Variants in IQSEC1 observed in about 807,000 individuals in gnomAD.
IQSEC1 encodes the protein IQ motif and SEC7 domain-containing protein 1.
Under a neutral mutation model 91.0 loss-of-function variants are expected in IQSEC1, and 31 were observed. The observed-to-expected ratio is 0.34, with a 90% CI of 0.26 to 0.46. The LOEUF (loss-of-function observed/expected upper bound fraction) is 0.46, where lower values mean the gene tolerates loss of function less well. Among genes scored for constraint, IQSEC1 ranks in the 20% least tolerant of loss-of-function variants. The pLI is 1.00. For synonymous variants in IQSEC1, 699 were observed against 662.6 expected, an observed-to-expected ratio of 1.05 and a Z score of -0.84; for missense variants, 1,388 against 1,575.6, an observed-to-expected ratio of 0.88 and a Z score of 2.02.
At chr3:12,996,102 T>A (rs1198263566) in intron 1 of IQSEC1, among the ~76,000 whole-genome samples, 1 of 152,014 alleles carries the variant, frequency 6.6e-6, no homozygotes, top group Non-Finnish European at 1.5e-5. Flanking sequence ...TCAAGGTTAT[T>A]GCGAGCTATC....
chr3:13,014,711 C>T (rs1703037476), intron 1 of IQSEC1, among the ~76,000 whole-genome samples: 2 of 152,130 alleles, frequency 1.3e-5, no homozygotes, highest in African/African-American at 2.4e-5. Flanking sequence ...CCCTGATGAC[C>T]CCAGTGAGCC....
chr3:13,016,994 TG>T (rs1221477034), intron 1 of IQSEC1, among the ~76,000 whole-genome samples: 2 of 152,244 alleles, frequency 1.3e-5, no homozygotes, highest in Non-Finnish European at 2.9e-5. Flanking sequence ...GTCTTCCGTC[TG>T]GCTTCTTTCA....
chr3:12,977,853 G>A (rs1203850950), intron 1 of IQSEC1, among the ~76,000 whole-genome samples: 1 of 152,222 alleles, frequency 6.6e-6, no homozygotes, highest in Non-Finnish European at 1.5e-5. Context: ...GTGGAAGGAA[G>A]ACCTGACCCA....
intron 2 of IQSEC1, among the ~76,000 whole-genome samples, chr3:13,160,460 C>T (rs1169407003): frequency 6.6e-6 from 1 of 152,200 alleles, no homozygotes; most frequent in African/African-American, 2.4e-5. Context: ...CAAGCCCTGC[C>T]CCTGTGTGTC....
chr3:13,149,428 TG>T (rs1207168291), intron 2 of IQSEC1, among the ~76,000 whole-genome samples: 2 of 28,054 alleles, frequency 7.1e-5, no homozygotes, highest in South Asian at 1.2e-3. Flanking sequence ...GGGGCCGGGG[TG>T]GGGGGGCGGA....
Position 12,898,609 on chromosome 3 carries a change from G to C in IQSEC1, c.*2374C>G, listed in dbSNP as rs1477940908. 1 of 152,220 alleles carries C rather than the reference G, an allele frequency of 6.6e-6. No homozygotes were observed. The highest frequency in any genetic ancestry group is 1.5e-5 in the Non-Finnish European group (1 of 68,048). 9.4% of individuals were successfully genotyped at this position (152,220 alleles called of 1,614,324 possible). ...TCATTACTGCTACCCTTCAGAAAGA[G>C]CAATTCTGTGCCAAACGGCCTGAAT... On this transcript the variant is annotated 3_prime_UTR_variant, in exon 14 of 14. Coordinates refer to ENST00000613206, the MANE Select transcript of IQSEC1 (RefSeq NM_001134382.3).
At chr3:13,031,303 G>C (rs1703832473) in intron 1 of IQSEC1, among the ~76,000 whole-genome samples, 1 of 152,250 alleles carries the variant, frequency 6.6e-6, no homozygotes, top group Non-Finnish European at 1.5e-5. Flanking sequence ...CCTGGGGGCA[G>C]GGACAGGTCC....
intron 1 of IQSEC1, among the ~76,000 whole-genome samples, chr3:13,215,306 C>T (rs1227415956): frequency 6.6e-6 from 1 of 151,014 alleles, no homozygotes; most frequent in Non-Finnish European, 1.5e-5. Context: ...CTGATGAAAT[C>T]GAGAGGACAC....
chr3:12,922,226 T>A lies in IQSEC1; in HGVS notation c.1747A>T (p.Met583Leu), dbSNP rs137863403. ...RDVLDCVVDE[M>L]DFSTMELDEA... ...TCCAGCTCCATGGTAGAGAAGTCCA[T>A]CTCGTCCACGACGCAGCTGGAATAG... Residue 583 changes from methionine to leucine, a missense_variant, in exon 5 of 14, where the codon ATG (methionine) becomes TTG (leucine). Met to Leu is a conservative substitution (Grantham distance 15, BLOSUM62 2). This residue lies in a region of IQSEC1 where 1,059 missense variants were observed against 1,317.8 expected (regional missense o/e 0.80). Coordinates refer to ENST00000613206, the MANE Select transcript of IQSEC1 (RefSeq NM_001134382.3). This position sits in a 1 kb window ranked among gnomAD's most constrained non-coding sequence, Gnocchi z 5.1. The A allele has an allele frequency of 2.4e-5, 39 of 1,596,480 alleles. No individual in the cohort carries two copies. Among genetic ancestry groups the A allele is most frequent in the Non-Finnish European group, 1.9e-5 (22 of 1,168,138 alleles).
intron 1 of IQSEC1, among the ~76,000 whole-genome samples, chr3:12,943,940 C>G (rs1186132722): frequency 6.6e-6 from 1 of 152,212 alleles, no homozygotes; most frequent in Non-Finnish European, 1.5e-5. Flanking sequence ...CCTCCGGGGT[C>G]AGGCAGGGGA....
At chr3:12,981,547 A>G (rs1276384832) in intron 1 of IQSEC1, among the ~76,000 whole-genome samples, 3 of 152,184 alleles carry the variant, frequency 2.0e-5, no homozygotes, top group African/African-American at 7.2e-5. Context: ...AACAGGGGGA[A>G]CTTTTCACCA....
chr3:13,150,199 C>T (rs946916109), intron 2 of IQSEC1, among the ~76,000 whole-genome samples: 2 of 152,170 alleles, frequency 1.3e-5, no homozygotes, highest in Admixed American at 6.5e-5. Flanking sequence ...TATTTTAATA[C>T]ATATTAGAGT....
At chr3:13,221,145 C>A (rs2125074833) in intron 1 of IQSEC1, among the ~76,000 whole-genome samples, 1 of 152,200 alleles carries the variant, frequency 6.6e-6, no homozygotes, top group East Asian at 1.9e-4. Flanking sequence ...GCCAGGAGGC[C>A]TTGGTGAGGG....
rs1290220887 is a variant in IQSEC1, at chr3:12,992,768, G to A, written c.24-50903C>T. On this transcript the variant is annotated intron_variant, in intron 1 of 13. Transcript: ENST00000613206. This position sits in a 1 kb window ranked among gnomAD's most constrained non-coding sequence, Gnocchi z 4.1. ...CTCCTGGACAAGGCCAGGGGGAGGG[G>A]ACACCCACTGTCACCTTTCTGCTCC... Among the ~76,000 whole-genome samples the A allele has an allele frequency of 6.6e-6, 1 of 152,238 alleles. No homozygotes were observed. Among genetic ancestry groups the A allele is most frequent in the Non-Finnish European group, 1.5e-5 (1 of 68,038 alleles).
intron 2 of IQSEC1, 92 bp downstream of exon 2, chr3:12,941,479 A>C: frequency 8.7e-5 from 110 of 1,265,662 alleles, no homozygotes; most frequent in Middle Eastern, 2.6e-4. Context: ...AGTCTATGGG[A>C]GAGATCTGCC....
At chr3:12,993,313 C>T (rs1702074943) in intron 1 of IQSEC1, among the ~76,000 whole-genome samples, 1 of 152,200 alleles carries the variant, frequency 6.6e-6, no homozygotes, top group East Asian at 1.9e-4. Flanking sequence ...TGGACCCAGC[C>T]CTCCAGCCCT....
At chr3:12,930,521 G>A (rs1346682225) in intron 3 of IQSEC1, among the ~76,000 whole-genome samples, 1 of 152,188 alleles carries the variant, frequency 6.6e-6, no homozygotes, top group African/African-American at 2.4e-5. Context: ...AGAGCCAGAA[G>A]GAGCCGATGA....
intron 1 of IQSEC1, among the ~76,000 whole-genome samples, chr3:13,227,169 A>G (rs1694767511): frequency 6.6e-6 from 1 of 152,050 alleles, no homozygotes; most frequent in Non-Finnish European, 1.5e-5. Context: ...TGAGTTCAGG[A>G]GTTCAAGACC....
intron 2 of IQSEC1, among the ~76,000 whole-genome samples, chr3:13,151,080 T>C (rs1450962533): frequency 6.6e-6 from 1 of 152,182 alleles, no homozygotes; most frequent in Non-Finnish European, 1.5e-5. Flanking sequence ...AAGAAGGGTC[T>C]CTGTGAGGAA....
Sources: allele counts gnomAD v4.1 joint callset (sites outside exome capture counted in the v4.1 genomes callset), GRCh38; gene constraint gnomAD v4.1.1; regional missense constraint gnomAD v4.1.1; non-coding constraint Gnocchi (gnomAD v3.1); transcripts MANE v1.5; gene names NCBI Gene and HGNC (gene_info 2026-07-23, HGNC 2026-07-21).